Variants in C6orf163 observed in about 807,000 individuals in gnomAD.
C6orf163 encodes the protein chromosome 6 open reading frame 163, also known as uncharacterized protein C6orf163.
Under a neutral mutation model 28.4 loss-of-function variants are expected in C6orf163, and 22 were observed. The ratio of observed to expected loss-of-function variants is 0.78; its 90% CI spans 0.55 to 1.11. The LOEUF is 1.11. C6orf163 is among the 50% of genes least tolerant of loss of function. The pLI, the probability that C6orf163 is intolerant of heterozygous loss-of-function variation, is 0.00. For missense variants in C6orf163, 342 were observed against 389.1 expected, an observed-to-expected ratio of 0.88 and a Z score of 1.02; for synonymous variants, 110 against 123.6, an observed-to-expected ratio of 0.89 and a Z score of 0.73.
At chr6:87,364,478 G>C (rs529972027) in intron 4 of C6orf163, among the ~76,000 whole-genome samples, 5 of 152,104 alleles carry the variant, frequency 3.3e-5, no homozygotes, top group Non-Finnish European at 7.4e-5. Flanking sequence ...AAGAGCTCCC[G>C]AGACCAAAAA....
Position 87,365,265 on chromosome 6 carries a change from A to T in C6orf163, c.859A>T (p.Met287Leu), listed in dbSNP as rs1354089824. The change falls in exon 5 of 5, where the codon ATG becomes TTG. Residue 287 changes from methionine to leucine, a missense_variant. Met to Leu is a conservative substitution (Grantham distance 15, BLOSUM62 2). Transcript: ENST00000388923. ...AGAGGAGGAATTACAGGAAACCAGG[A>T]TGGCATTTCAAAAATACATCAATTA... Reference protein sequence around the residue: ...FLEEELQETRMAFQKYINYTF... With the variant: ...FLEEELQETRLAFQKYINYTF... 5.8e-6 allele frequency: 9 copies of T among 1,551,762 alleles called. No individual in the cohort carries two copies. Among genetic ancestry groups the T allele is most frequent in the Non-Finnish European group, 7.0e-6 (8 of 1,146,996 alleles).
Position 87,345,015 on chromosome 6 carries a change from A to C in C6orf163, c.-85A>C. 1.7e-6 allele frequency: 2 copies of C among 1,152,610 alleles called. No individual in the cohort carries two copies. Among genetic ancestry groups the C allele is most frequent in the Non-Finnish European group, 2.4e-6 (2 of 836,182 alleles). 71.4% of individuals were successfully genotyped at this position (1,152,610 alleles called of 1,614,324 possible). ...ACCCTGAACCTCTTCCAGCTTTCTT[A>C]AACTTTCAGCTTTTCTTGAAACGAC... is the stretch of plus-strand genomic sequence containing the variant. On this transcript the variant is annotated 5_prime_UTR_variant, in exon 1 of 5. Transcript: ENST00000388923.
chr6:87,355,437 TGTC>T (rs1444089797), intron 3 of C6orf163, among the ~76,000 whole-genome samples: 1 of 152,072 alleles, frequency 6.6e-6, no homozygotes, highest in Non-Finnish European at 1.5e-5. Flanking sequence ...GGCAAGTGTC[TGTC>T]GTCTCAGCTA....
At chr6:87,347,743 T>C in intron 1 of C6orf163, 1 of 985,528 alleles carries the variant, frequency 1.0e-6, no homozygotes, top group Non-Finnish European at 1.2e-6. Flanking sequence ...CTGTCCATGC[T>C]TACCCTTTTA....
chr6:87,361,738 G>A (rs187582524), intron 4 of C6orf163, among the ~76,000 whole-genome samples: 5 of 152,236 alleles, frequency 3.3e-5, no homozygotes, highest in South Asian at 2.1e-4. Flanking sequence ...CCTGTGACCC[G>A]GGTTGAAAAT....
Position 87,345,088 on chromosome 6 carries a change from T to C in C6orf163, c.-12T>C, listed in dbSNP as rs377538797. The C allele has an allele frequency of 3.2e-5, 48 of 1,516,730 alleles. No homozygotes were observed. The African/African-American group carries it at 5.7e-4, about 18-fold the overall frequency. 94.0% of individuals were successfully genotyped at this position (1,516,730 alleles called of 1,614,324 possible). A position where few individuals can be genotyped will look rare whatever the true frequency, so the allele number is the denominator to read the frequency against. On this transcript the variant is annotated 5_prime_UTR_variant, in exon 1 of 5. Coordinates refer to ENST00000388923, the MANE Select transcript of C6orf163 (RefSeq NM_001010868.3). ...TTAACTGTAAGTAGGAGAAGACATC[T>C]GAAATTTAACTATGATCAGAAATTC...
intron 4 of C6orf163, among the ~76,000 whole-genome samples, chr6:87,363,533 T>TC (rs1312994177): frequency 1.3e-5 from 2 of 151,942 alleles, no homozygotes; most frequent in Non-Finnish European, 2.9e-5. Context: ...AGTGTGATGT[T>TC]CCCCTTCCTG....
intron 4 of C6orf163, chr6:87,357,234 C>A (rs1325443229): frequency 6.6e-6 from 1 of 152,108 alleles, no homozygotes; most frequent in Non-Finnish European, 1.5e-5. Context: ...TGTAATGATT[C>A]TTTGCTGGAA....
rs747204950 is a variant in C6orf163, at chr6:87,348,540, G to A, written c.149-272G>A. On this transcript the variant is annotated intron_variant, in intron 1 of 4. Transcript: ENST00000388923. ...GTGTACAAAATATGTCCCTTTCTTC[G>A]GGCATTTATTTCACCTCCCCAGTTG... 1.7e-4 allele frequency: 199 copies of A among 1,159,064 alleles called. No homozygotes were observed. The highest frequency in any genetic ancestry group is 2.0e-4 in the Non-Finnish European group (192 of 938,652). The allele number at this position is 1,159,064 out of a possible 1,614,324, so 71.8% of individuals were successfully genotyped here. A position where few individuals can be genotyped will look rare whatever the true frequency, so the allele number is the denominator to read the frequency against.
chr6:87,356,166 T>C, intron 3 of C6orf163, 135 bp from the exon 4 acceptor site: 1 of 743,852 alleles, frequency 1.3e-6, no homozygotes, highest in Non-Finnish European at 2.2e-6. Context: ...TCATACACAC[T>C]CTTCTTTTAA....
chr6:87,359,186 TG>T (rs1276081874), intron 4 of C6orf163: 3 of 151,824 alleles, frequency 2.0e-5, no homozygotes, highest in Non-Finnish European at 4.4e-5. Context: ...GCAGTATGGG[TG>T]GGGTATGTAG....
intron 4 of C6orf163, among the ~76,000 whole-genome samples, chr6:87,364,005 TG>T (rs1450827381): frequency 6.6e-6 from 1 of 152,044 alleles, no homozygotes; most frequent in Non-Finnish European, 1.5e-5. Context: ...AAAATTAGGC[TG>T]GGTACAGTGG....
chr6:87,364,883 A>T lies in C6orf163; in HGVS notation c.555-78A>T, dbSNP rs988869800. ...GGCTCATCTCAACAATTGCTCATTC[A>T]TCTGCGTTTAAAGATGAAATTATTT... On this transcript the variant is annotated intron_variant, in intron 4 of 4. Transcript: ENST00000388923. The T allele has an allele frequency of 1.4e-4, 158 of 1,119,530 alleles. No homozygotes were observed. In the African/African-American group the frequency reaches 2.0e-3, roughly 14 times the overall value. 69.3% of individuals were successfully genotyped at this position (1,119,530 alleles called of 1,614,324 possible). A position where few individuals can be genotyped will look rare whatever the true frequency, so the allele number is the denominator to read the frequency against.
At chr6:87,354,025 A>G (rs1777460006) in intron 3 of C6orf163, among the ~76,000 whole-genome samples, 1 of 151,914 alleles carries the variant, frequency 6.6e-6, no homozygotes, top group Admixed American at 6.6e-5. Flanking sequence ...TTAATTTTGT[A>G]TTTTTAATAG....
At chr6:87,345,699 A>G (rs1777311520) in intron 1 of C6orf163, among the ~76,000 whole-genome samples, 1 of 152,066 alleles carries the variant, frequency 6.6e-6, no homozygotes, top group Admixed American at 6.5e-5. Context: ...AGGTGGGCAG[A>G]TCACTTGAGG....
At chr6:87,355,704 A>G (rs1363170199) in intron 3 of C6orf163, among the ~76,000 whole-genome samples, 1 of 152,172 alleles carries the variant, frequency 6.6e-6, no homozygotes, top group Non-Finnish European at 1.5e-5. Context: ...CTCCTTCACT[A>G]GACAGTGAAT....
At chr6:87,358,210 A>G (rs530216807) in intron 4 of C6orf163, 16 of 152,288 alleles carry the variant, frequency 1.1e-4, no homozygotes, top group Admixed American at 6.5e-5. Context: ...ACATTTATAT[A>G]TCATGAGAAA....
chr6:87,350,654 G>C (rs776545493), intron 3 of C6orf163, among the ~76,000 whole-genome samples, 153 bp downstream of exon 3: 87 of 152,208 alleles, frequency 5.7e-4, no homozygotes, highest in Non-Finnish European at 1.1e-3. Flanking sequence ...CAGAAGAGAT[G>C]CTGAGCTCTC....
At chr6:87,350,973 T>C (rs7756440) in intron 3 of C6orf163, among the ~76,000 whole-genome samples, 16,386 of 152,244 alleles carry the variant, frequency 0.11, 926 homozygotes, top group East Asian at 0.13. Context: ...GTTCTCCTCC[T>C]TCTCTGATTG....
Sources: allele counts gnomAD v4.1 joint callset (sites outside exome capture counted in the v4.1 genomes callset), GRCh38; gene constraint gnomAD v4.1.1; transcripts MANE v1.5; gene names NCBI Gene and HGNC (gene_info 2026-07-23, HGNC 2026-07-21).